The following VTI1A variants were observed in gnomAD, a reference collection of about 807,000 sequenced individuals.
VTI1A encodes the protein vesicle transport through interaction with t-SNAREs 1A, also known as vesicle transport through interaction with t-SNAREs homolog 1A.
A neutral mutation model predicts 34.9 loss-of-function variants in VTI1A; 22 were observed. The ratio of observed to expected loss-of-function variants is 0.63; its 90% CI spans 0.45 to 0.90. The LOEUF (loss-of-function observed/expected upper bound fraction) is 0.90, where lower values mean the gene tolerates loss of function less well. Among genes scored for constraint, VTI1A ranks in the 40% least tolerant of loss-of-function variants. The probability of loss-of-function intolerance (pLI) is 0.00; values close to 1 mark genes in which losing one functional copy is unlikely to be tolerated. For synonymous variants in VTI1A, 87 were observed against 97.3 expected (o/e 0.89, Z 0.62); for missense variants, 268 against 275.6 (o/e 0.97, Z 0.20).
At chr10:112,534,471 T>C (rs1850553607) in intron 4 of VTI1A, among the ~76,000 whole-genome samples, 1 of 152,110 alleles carries the variant, frequency 6.6e-6, no homozygotes, top group Non-Finnish European at 1.5e-5. Context: ...TTAATTTGAC[T>C]GCATTGATTG....
intron 7 of VTI1A, among the ~76,000 whole-genome samples, chr10:112,703,611 A>T (rs1214753793): frequency 6.6e-6 from 1 of 152,194 alleles, no homozygotes; most frequent in Admixed American, 6.5e-5. Flanking sequence ...CATTATATAT[A>T]ATTAATCTAC....
At chr10:112,613,259 C>T (rs1228414127) in intron 5 of VTI1A, among the ~76,000 whole-genome samples, 2 of 152,108 alleles carry the variant, frequency 1.3e-5, no homozygotes, top group Admixed American at 6.6e-5. Context: ...TAAAAAGTTA[C>T]AATTGTGCAT....
chr10:112,816,437 A>G lies in VTI1A; in HGVS notation c.*1054A>G, dbSNP rs370389558. 5.8e-5 allele frequency: 13 copies of G among 224,846 alleles called. No individual in the cohort carries two copies. The highest frequency in any genetic ancestry group is 2.7e-4 in the African/African-American group (12 of 44,896). 13.9% of individuals were successfully genotyped at this position (224,846 alleles called of 1,614,324 possible). The stretch of plus-strand genomic sequence containing the variant: ...CCTTTAAAAGAATAGAGGATGGCAG[A>G]TTGTTCCAAAAGGAATGGCTTGGGT... On this transcript the variant is annotated 3_prime_UTR_variant, in exon 8 of 8. Coordinates refer to ENST00000393077, the MANE Select transcript of VTI1A (RefSeq NM_145206.4).
At chr10:112,745,804 G>C (rs985991489) in intron 7 of VTI1A, among the ~76,000 whole-genome samples, 8 of 152,272 alleles carry the variant, frequency 5.3e-5, no homozygotes, top group Middle Eastern at 6.8e-3. Context: ...ACCTTGGAAG[G>C]AGCCCAAACA....
At chr10:112,588,773 G>A (rs1055176038) in intron 5 of VTI1A, among the ~76,000 whole-genome samples, 58 of 152,136 alleles carry the variant, frequency 3.8e-4, no homozygotes, top group African/African-American at 1.1e-3. Flanking sequence ...TAGTAAATGT[G>A]TTCAACACTT....
the VTI1A span, among the ~76,000 whole-genome samples, chr10:112,834,297 G>T: frequency 6.6e-6 from 1 of 152,180 alleles, no homozygotes; most frequent in Non-Finnish European, 1.5e-5. Flanking sequence ...GTTCAAGTGA[G>T]CTGATGCCTG....
chr10:112,555,912 C>G (rs929287158), intron 5 of VTI1A, among the ~76,000 whole-genome samples: 9 of 151,970 alleles, frequency 5.9e-5, no homozygotes, highest in African/African-American at 1.4e-4. Context: ...GTCTGAGATT[C>G]ATACTATACA....
intron 7 of VTI1A, among the ~76,000 whole-genome samples, chr10:112,709,682 C>CCTT (rs557189298): frequency 2.8e-5 from 2 of 70,256 alleles, no homozygotes; most frequent in African/African-American, 1.3e-4. Flanking sequence ...CTCTATGTGG[C>CCTT]TTTTTTTTTT....
At chr10:112,809,511 C>T (rs1455517945) in intron 7 of VTI1A, among the ~76,000 whole-genome samples, 1 of 152,184 alleles carries the variant, frequency 6.6e-6, no homozygotes, top group Admixed American at 6.5e-5. Context: ...AAGGCAGGTA[C>T]AGGATGCTGC....
chr10:112,831,952 C>T, the VTI1A span: 2 of 152,152 alleles, frequency 1.3e-5, no homozygotes, highest in Admixed American at 6.5e-5. Flanking sequence ...AGGTTTCGGC[C>T]GCTGTACACT....
chr10:112,738,190 A>G (rs1434753800), intron 7 of VTI1A, among the ~76,000 whole-genome samples: 1 of 152,166 alleles, frequency 6.6e-6, no homozygotes, highest in African/African-American at 2.4e-5. Flanking sequence ...CCATATGTAA[A>G]GTGGCACCAT....
At position 112,679,617 on chromosome 10, in the gene VTI1A, A is replaced by G. The variant is rs931449418; in HGVS notation, c.560+10619A>G. 3.3e-5 allele frequency among the ~76,000 whole-genome samples: 5 copies of G among 152,126 alleles called. No individual in the cohort carries two copies. The East Asian group carries it at 7.7e-4, about 23-fold the overall frequency. ...GGAAAATGCAAGAATGGCAAATTTG[A>G]CCACAATTTTAAAAAGAGGATTGAA... On this transcript the variant is annotated intron_variant, in intron 7 of 7. Transcript: ENST00000393077.
chr10:112,799,240 C>T (rs529958995), intron 7 of VTI1A, among the ~76,000 whole-genome samples: 1 of 152,286 alleles, frequency 6.6e-6, no homozygotes, highest in East Asian at 1.9e-4. Flanking sequence ...GGGATGCGCT[C>T]ACCACCACTC....
At chr10:112,787,702 T>C (rs1304554996) in intron 7 of VTI1A, among the ~76,000 whole-genome samples, 1 of 122,550 alleles carries the variant, frequency 8.2e-6, no homozygotes, top group East Asian at 2.2e-4. Context: ...TCTTTTCTTT[T>C]TTTTTTTTTT....
At chr10:112,820,633 C>T (rs1340889459), downstream of VTI1A, among the ~76,000 whole-genome samples, 5 of 152,204 alleles carry the variant, frequency 3.3e-5, no homozygotes, top group African/African-American at 1.2e-4. Context: ...CAGCCAGGCC[C>T]AGGCAGCAAG....
intron 5 of VTI1A, among the ~76,000 whole-genome samples, chr10:112,546,604 G>C (rs1422073505): frequency 6.6e-6 from 1 of 151,892 alleles, no homozygotes; most frequent in African/African-American, 2.4e-5. Context: ...AACCCAAAAA[G>C]GGACTAATTA....
intron 7 of VTI1A, among the ~76,000 whole-genome samples, chr10:112,746,638 C>T (rs905691873): frequency 1.3e-5 from 2 of 152,184 alleles, no homozygotes; most frequent in Non-Finnish European, 2.9e-5. Context: ...ACCGATAAGC[C>T]TGACCTTATA....
intron 7 of VTI1A, among the ~76,000 whole-genome samples, chr10:112,731,803 A>G (rs1367274291): frequency 1.3e-5 from 2 of 152,224 alleles, no homozygotes; most frequent in African/African-American, 4.8e-5. Flanking sequence ...ATTAGAGGAT[A>G]GATTTCATCC....
intron 3 of VTI1A, among the ~76,000 whole-genome samples, chr10:112,487,514 G>A (rs115821136): frequency 0.01 from 1,571 of 152,270 alleles, 26 homozygotes; most frequent in African/African-American, 0.035. Context: ...TTTGCTCCCA[G>A]TTCTTCCTGA....
Sources: gnomAD v4.1 joint callset for allele counts (sites outside exome capture counted in the v4.1 genomes callset) on GRCh38, gnomAD v4.1.1 for gene constraint, MANE v1.5 for transcripts, NCBI Gene and HGNC (gene_info 2026-07-23, HGNC 2026-07-21) for gene names.